Variants in NEO1 observed in about 807,000 individuals in gnomAD.
NEO1 encodes the protein neogenin.
NEO1 carries 63 observed loss-of-function variants against 159.7 expected under a neutral mutation model. The observed-to-expected ratio is 0.39, with a 90% confidence interval of 0.32 to 0.49. The LOEUF (loss-of-function observed/expected upper bound fraction) is 0.49, where lower values mean the gene tolerates loss of function less well. Ranked by LOEUF, NEO1 falls within the 20% of genes least tolerant of loss-of-function variation. NEO1 has a pLI of 0.85. For missense variants in NEO1, 1,615 were observed against 1,831.0 expected, an observed-to-expected ratio of 0.88 and a Z score of 2.15; for synonymous variants, 633 against 662.0, an observed-to-expected ratio of 0.96 and a Z score of 0.67.
At chr15:73,101,327 A>G (rs1255543340) in intron 1 of NEO1, among the ~76,000 whole-genome samples, 4 of 152,254 alleles carry the variant, frequency 2.6e-5, no homozygotes, top group African/African-American at 7.2e-5. Flanking sequence ...CAAACTTTGT[A>G]CAATTTCAAT....
At chr15:73,157,093 G>A (rs1274151085) in intron 5 of NEO1, among the ~76,000 whole-genome samples, 1 of 152,160 alleles carries the variant, frequency 6.6e-6, no homozygotes, top group Non-Finnish European at 1.5e-5. Flanking sequence ...TTCAGTCATG[G>A]CAGTGTTCTG....
chr15:73,152,429 G>A (rs1265659213), intron 5 of NEO1, among the ~76,000 whole-genome samples: 2 of 152,160 alleles, frequency 1.3e-5, no homozygotes, highest in Non-Finnish European at 1.5e-5. Context: ...AAACATGGAC[G>A]CTCCTAGAGG....
chr15:73,293,442 C>T lies in NEO1; in HGVS notation c.3795C>T (p.Phe1265=), dbSNP rs746614579. 2 of 1,614,244 alleles carry T rather than the reference C, an allele frequency of 1.2e-6. No individual in the cohort carries two copies. The highest frequency in any genetic ancestry group is 2.2e-5 in the East Asian group (1 of 44,882). The part of the protein sequence containing the change: ...IHSLDNPHHH[F]HSSSLASPAR... ...CCCTCGATAACCCTCACCATCATTTCCACTCCAGCAGCCTCGCTTCTCCAG... is the reference window on the plus strand; with the variant it reads ...CCCTCGATAACCCTCACCATCATTTTCACTCCAGCAGCCTCGCTTCTCCAG... The change falls in exon 26 of 29, where the codon TTC becomes TTT. Residue 1265 remains phenylalanine (F), a synonymous_variant. Transcript: ENST00000261908.
chr15:73,284,614 C>G (rs1247658791), intron 23 of NEO1, among the ~76,000 whole-genome samples: 2 of 131,024 alleles, frequency 1.5e-5, no homozygotes, highest in Admixed American at 8.6e-5. Context: ...GAGACGGTGT[C>G]TCTCTCTGTT....
At chr15:73,209,825 C>T (rs1199043924) in intron 7 of NEO1, among the ~76,000 whole-genome samples, 3 of 152,074 alleles carry the variant, frequency 2.0e-5, no homozygotes, top group Admixed American at 6.6e-5. Context: ...AATCCTGTTT[C>T]TACTAAAAAA....
intron 5 of NEO1, among the ~76,000 whole-genome samples, chr15:73,160,789 C>T (rs1048514372): frequency 7.9e-5 from 12 of 152,206 alleles, no homozygotes; most frequent in South Asian, 2.1e-4. Flanking sequence ...GCTACCTAGA[C>T]GCTCTCCCAA....
intron 25 of NEO1, 147 bp from the exon 26 acceptor site, chr15:73,293,243 C>T (rs2042224932): frequency 1.3e-6 from 1 of 779,586 alleles, no homozygotes; most frequent in Non-Finnish European, 2.1e-6. Context: ...GGCTAATTGA[C>T]CAGATCTAGC....
At chr15:73,265,870 A>G (rs956369914) in intron 15 of NEO1, among the ~76,000 whole-genome samples, 1 of 152,228 alleles carries the variant, frequency 6.6e-6, no homozygotes, top group African/African-American at 2.4e-5. Flanking sequence ...AGTCAAGGAC[A>G]TTGAGCACTT....
intron 1 of NEO1, among the ~76,000 whole-genome samples, chr15:73,072,259 AT>A (rs11285327): frequency 0.44 from 66,637 of 149,984 alleles, 15,256 homozygotes; most frequent in Middle Eastern, 0.52. Flanking sequence ...CCAGCTTTTA[AT>A]TTTTTTTTTT....
chr15:73,267,649 T>C (rs1351740086), intron 16 of NEO1, among the ~76,000 whole-genome samples: 1 of 151,440 alleles, frequency 6.6e-6, no homozygotes, highest in Non-Finnish European at 1.5e-5. Context: ...TTTGGTTTTT[T>C]GTCCTTGCGA....
chr15:73,094,912 T>C (rs939116338), intron 1 of NEO1, among the ~76,000 whole-genome samples: 1 of 152,136 alleles, frequency 6.6e-6, no homozygotes, highest in African/African-American at 2.4e-5. Flanking sequence ...CTACCAGGGT[T>C]TAGAAAACCA....
intron 5 of NEO1, among the ~76,000 whole-genome samples, chr15:73,164,346 T>C (rs974739834): frequency 2.0e-5 from 3 of 152,062 alleles, no homozygotes; most frequent in Non-Finnish European, 4.4e-5. Context: ...TCCAAGTAGC[T>C]GGGATTACAG....
At chr15:73,211,640 G>A (rs1358204918) in intron 7 of NEO1, among the ~76,000 whole-genome samples, 1 of 152,168 alleles carries the variant, frequency 6.6e-6, no homozygotes, top group African/African-American at 2.4e-5. Flanking sequence ...ACTTGAACCA[G>A]GGAGTCAGAG....
intron 5 of NEO1, among the ~76,000 whole-genome samples, chr15:73,147,780 C>A (rs1567313163): frequency 6.7e-6 from 1 of 149,326 alleles, no homozygotes. Context: ...GATATATATT[C>A]TTTTATTGTA....
chr15:73,088,898 T>TACTTCCTAA (rs2069519654), intron 1 of NEO1, among the ~76,000 whole-genome samples: 1 of 152,080 alleles, frequency 6.6e-6, no homozygotes, highest in Non-Finnish European at 1.5e-5. Flanking sequence ...AGAAGGAAGA[T>TACTTCCTAA]GCTTCCTAAG....
At chr15:73,130,529 C>T (rs2030975609) in intron 4 of NEO1, among the ~76,000 whole-genome samples, 1 of 152,188 alleles carries the variant, frequency 6.6e-6, no homozygotes, top group Non-Finnish European at 1.5e-5. Flanking sequence ...TCAAACACCG[C>T]AGAAGAAACT....
intron 7 of NEO1, among the ~76,000 whole-genome samples, chr15:73,180,956 C>A (rs1047313124): frequency 2.0e-5 from 3 of 152,054 alleles, no homozygotes; most frequent in Admixed American, 2.0e-4. Flanking sequence ...CTGAGCTCTT[C>A]TTTTTTAGAG....
intron 27 of NEO1, chr15:73,300,007 TATTC>T (rs1313741342): frequency 6.6e-6 from 1 of 152,256 alleles, no homozygotes; most frequent in Admixed American, 6.5e-5. Flanking sequence ...ATCTATGAAA[TATTC>T]ATACTTCATT....
At chr15:73,182,107 A>C (rs1596280144) in intron 7 of NEO1, among the ~76,000 whole-genome samples, 1 of 151,132 alleles carries the variant, frequency 6.6e-6, no homozygotes, top group Non-Finnish European at 1.5e-5. Context: ...GTGCAGGGAA[A>C]CTCCCATTTT....
Sources: gnomAD v4.1 joint callset for allele counts (sites outside exome capture counted in the v4.1 genomes callset) on GRCh38, gnomAD v4.1.1 for gene constraint, MANE v1.5 for transcripts, NCBI Gene and HGNC (gene_info 2026-07-23, HGNC 2026-07-21) for gene names.